Variants in THSD7B observed in about 807,000 individuals in gnomAD.
THSD7B encodes thrombospondin type 1 domain containing 7B.
THSD7B carries 138 observed loss-of-function variants against 213.6 expected under a neutral mutation model. That is an observed-to-expected ratio of 0.65 (90% CI 0.56 to 0.74). The LOEUF (loss-of-function observed/expected upper bound fraction) is 0.74, where lower values mean the gene tolerates loss of function less well. THSD7B is among the 30% of genes least tolerant of loss of function. The probability of loss-of-function intolerance (pLI) is 0.00; values close to 1 mark genes in which losing one functional copy is unlikely to be tolerated. For synonymous variants in THSD7B, 742 were observed against 687.0 expected, an observed-to-expected ratio of 1.08 and a Z score of -1.25; for missense variants, 1,931 against 1,991.5, an observed-to-expected ratio of 0.97 and a Z score of 0.58.
intron 1 of THSD7B, among the ~76,000 whole-genome samples, chr2:136,780,226 C>G (rs991373017): frequency 2.0e-5 from 3 of 152,116 alleles, no homozygotes; most frequent in African/African-American, 7.2e-5. Flanking sequence ...AGAATGGTGC[C>G]TCATTGCTGT....
At chr2:137,602,482 A>G (rs1682093696) in intron 17 of THSD7B, among the ~76,000 whole-genome samples, 1 of 151,868 alleles carries the variant, frequency 6.6e-6, no homozygotes, top group Non-Finnish European at 1.5e-5. Context: ...GCTGGCCAGG[A>G]TGGTCTCAAT....
At chr2:137,311,427 G>C in intron 12 of THSD7B, among the ~76,000 whole-genome samples, 1 of 152,064 alleles carries the variant, frequency 6.6e-6, no homozygotes, top group East Asian at 1.9e-4. Context: ...GGGTTTTCTA[G>C]TTATACAATC....
intron 21 of THSD7B, among the ~76,000 whole-genome samples, chr2:137,652,039 G>C (rs1683150072): frequency 6.6e-6 from 1 of 152,060 alleles, no homozygotes; most frequent in African/African-American, 2.4e-5. Flanking sequence ...ACAATTGGGT[G>C]AAATATTCTA....
intron 15 of THSD7B, among the ~76,000 whole-genome samples, chr2:137,561,866 C>T (rs1393974359): frequency 6.6e-6 from 1 of 152,072 alleles, no homozygotes; most frequent in Non-Finnish European, 1.5e-5. Context: ...TTCCACACAC[C>T]CATTTCCACT....
chr2:137,578,470 G>A (rs1050092492), intron 17 of THSD7B, among the ~76,000 whole-genome samples: 4 of 152,184 alleles, frequency 2.6e-5, no homozygotes, highest in African/African-American at 9.6e-5. Context: ...ACCTCTTCAA[G>A]CTCTGAGACC....
rs370520413 is a variant in THSD7B at position 137,620,660 on chromosome 2, G to A, written c.3733G>A (p.Val1245Met). The A allele has an allele frequency of 6.3e-5, 102 of 1,613,934 alleles. No individual in the cohort carries two copies. In the African/African-American group the frequency reaches 8.9e-4, roughly 14 times the overall value. ...GAGCATTCCCTGCTTGGTGGAATGC[G>A]TGGTCAACTGTCAGCTCTCAGGGTG... ...RMSIPCLVECVVNCQLSGWTA... is the reference protein window; with the variant it reads ...RMSIPCLVECMVNCQLSGWTA... Residue 1245 changes from valine to methionine, a missense_variant, in exon 20 of 28, where the codon GTG becomes ATG. Coordinates refer to ENST00000409968, the MANE Select transcript of THSD7B (RefSeq NM_001316349.2).
At chr2:137,020,449 T>G (rs192096960) in intron 2 of THSD7B, among the ~76,000 whole-genome samples, 2 of 152,188 alleles carry the variant, frequency 1.3e-5, no homozygotes, top group African/African-American at 4.8e-5. Flanking sequence ...CCTAGCCTGA[T>G]CTGATTGCGG....
chr2:137,557,698 A>T (rs1460356895), intron 15 of THSD7B, among the ~76,000 whole-genome samples: 1 of 152,210 alleles, frequency 6.6e-6, no homozygotes, highest in Non-Finnish European at 1.5e-5. Flanking sequence ...AGCAGAAGGC[A>T]AGAAATAACT....
chr2:136,943,788 C>T (rs1684876112), intron 2 of THSD7B, among the ~76,000 whole-genome samples: 1 of 152,066 alleles, frequency 6.6e-6, no homozygotes, highest in African/African-American at 2.4e-5. Context: ...CTTTATTAGT[C>T]TTGCTAGCGG....
chr2:137,000,003 T>C (rs1433561714), intron 2 of THSD7B, among the ~76,000 whole-genome samples: 4 of 152,266 alleles, frequency 2.6e-5, no homozygotes, highest in Admixed American at 6.5e-5. Flanking sequence ...CAGTTCTACC[T>C]TAAGACAAAT....
chr2:137,369,581 G>A (rs540502067), intron 12 of THSD7B, among the ~76,000 whole-genome samples: 8 of 152,274 alleles, frequency 5.3e-5, no homozygotes, highest in East Asian at 3.9e-4. Context: ...TTCCAGCTAA[G>A]GGAAGTGAAC....
intron 2 of THSD7B, among the ~76,000 whole-genome samples, chr2:137,039,999 C>G (rs1686851089): frequency 6.6e-6 from 1 of 152,160 alleles, no homozygotes; most frequent in African/African-American, 2.4e-5. Flanking sequence ...CTGCTCCTTC[C>G]CCACTGCCTG....
Position 136,825,718 on chromosome 2 carries a change from A to ATTTTTTTT in THSD7B, c.-35-56417_-35-56410dup, listed in dbSNP as rs55814718. On this transcript the variant is annotated intron_variant, in intron 1 of 27. Transcript: ENST00000409968. The stretch of plus-strand genomic sequence containing the variant: ...AGGTGCTCACTGCCATGCCTGGCTA[A>ATTTTTTTT]TTTTTTTTTTTTTTTTAGATCTGGG... 5.1e-5 allele frequency among the ~76,000 whole-genome samples: 6 copies of ATTTTTTTT among 116,894 alleles called. 1 individual carries two copies. The highest frequency in any genetic ancestry group is 1.0e-4 in the African/African-American group (3 of 29,898). 76.7% of individuals were successfully genotyped at this position (116,894 alleles called of 152,430 possible). A position where few individuals can be genotyped will look rare whatever the true frequency, so the allele number is the denominator to read the frequency against.
At chr2:137,176,833 T>C (rs912122574) in intron 7 of THSD7B, among the ~76,000 whole-genome samples, 2 of 152,208 alleles carry the variant, frequency 1.3e-5, no homozygotes, top group Non-Finnish European at 2.9e-5. Flanking sequence ...CCTTATTGAT[T>C]ACCTACTCTT....
chr2:137,250,140 G>T (rs1316806370), intron 10 of THSD7B, among the ~76,000 whole-genome samples: 1 of 152,148 alleles, frequency 6.6e-6, no homozygotes, highest in African/African-American at 2.4e-5. Flanking sequence ...CCAGTGAAAG[G>T]CTATAACTTC....
chr2:137,462,064 A>G (rs1687895416), intron 15 of THSD7B, among the ~76,000 whole-genome samples: 1 of 152,138 alleles, frequency 6.6e-6, no homozygotes, highest in African/African-American at 2.4e-5. Context: ...ACCTGCATTC[A>G]ATGTTAAAAG....
intron 16 of THSD7B, among the ~76,000 whole-genome samples, chr2:137,566,206 G>A (rs114850621): frequency 2.0e-3 from 306 of 152,216 alleles, no homozygotes; most frequent in African/African-American, 6.9e-3. Context: ...ATCAGATATT[G>A]TCCTAAGCAC....
intron 21 of THSD7B, among the ~76,000 whole-genome samples, chr2:137,651,265 G>A (rs755078177): frequency 1.1e-4 from 17 of 151,818 alleles, no homozygotes; most frequent in Non-Finnish European, 2.5e-4. Flanking sequence ...TTACTCGTTT[G>A]TTGCCATTTT....
intron 15 of THSD7B, among the ~76,000 whole-genome samples, chr2:137,510,041 A>G (rs183236573): frequency 6.6e-6 from 1 of 152,234 alleles, no homozygotes; most frequent in East Asian, 1.9e-4. Context: ...TCTTGTTAAT[A>G]TTAAATAATT....
Sources: gnomAD v4.1 joint callset for allele counts (sites outside exome capture counted in the v4.1 genomes callset) on GRCh38, gnomAD v4.1.1 for gene constraint, MANE v1.5 for transcripts, NCBI Gene and HGNC (gene_info 2026-07-23, HGNC 2026-07-21) for gene names.